The following PRKG2 variants were observed in gnomAD, a reference collection of about 807,000 sequenced individuals.
The protein encoded by PRKG2 is cGMP-dependent protein kinase 2.
In PRKG2, 33 loss-of-function variants were observed where a neutral mutation model predicts 97.2. That is an observed-to-expected ratio of 0.34 (90% CI 0.26 to 0.45). The LOEUF is 0.45. PRKG2 is among the 20% of genes least tolerant of loss of function. The pLI is 1.00. For missense variants in PRKG2, 638 were observed against 900.0 expected, an observed-to-expected ratio of 0.71 and a Z score of 3.73; for synonymous variants, 330 against 321.8, an observed-to-expected ratio of 1.03 and a Z score of -0.27.
At chr4:81,169,833 A>T in intron 4 of PRKG2, 65 bp from the exon 5 acceptor site, 1 of 1,035,448 alleles carries the variant, frequency 9.7e-7, no homozygotes, top group Non-Finnish European at 1.4e-6. Flanking sequence ...TCCAAAATAT[A>T]AATCGATGGA....
intron 15 of PRKG2, among the ~76,000 whole-genome samples, chr4:81,108,456 A>G (rs904321703): frequency 2.0e-5 from 3 of 149,974 alleles, no homozygotes; most frequent in African/African-American, 7.4e-5. Context: ...TATTCAACTT[A>G]TTTATATATT....
At chr4:81,153,903 G>T (rs1748682185) in intron 6 of PRKG2, among the ~76,000 whole-genome samples, 182 bp from the exon 7 acceptor site, 2 of 152,106 alleles carry the variant, frequency 1.3e-5, no homozygotes, top group South Asian at 2.1e-4. Context: ...CAGGTCAGTG[G>T]GTGCGCGCAC....
At chr4:81,098,666 G>C (rs935601635) in intron 17 of PRKG2, among the ~76,000 whole-genome samples, 3 of 152,110 alleles carry the variant, frequency 2.0e-5, no homozygotes, top group Non-Finnish European at 4.4e-5. Flanking sequence ...AGTAGAGGGA[G>C]AGATGGGAAA....
At chr4:81,151,631 A>G (rs1748412225) in intron 8 of PRKG2, among the ~76,000 whole-genome samples, 1 of 152,130 alleles carries the variant, frequency 6.6e-6, no homozygotes, top group Admixed American at 6.5e-5. Flanking sequence ...AAAGTAGGCA[A>G]TATTTCAAAT....
chr4:81,108,399 C>T (rs2109976481), intron 15 of PRKG2, among the ~76,000 whole-genome samples: 1 of 151,558 alleles, frequency 6.6e-6, no homozygotes, highest in East Asian at 1.9e-4. Flanking sequence ...AACTATATTT[C>T]ACTTGTAAAG....
chr4:81,189,083 A>AT (rs1752220176), intron 2 of PRKG2, among the ~76,000 whole-genome samples: 2 of 114,402 alleles, frequency 1.7e-5, no homozygotes, highest in African/African-American at 1.1e-4. Flanking sequence ...AAAAAAAAAA[A>AT]AAAAAAAAAG....
intron 14 of PRKG2, among the ~76,000 whole-genome samples, chr4:81,128,041 G>C (rs1560561208): frequency 6.6e-6 from 1 of 152,174 alleles, no homozygotes; most frequent in Non-Finnish European, 1.5e-5. Flanking sequence ...TTAGCATAAA[G>C]GGGTGTTGAA....
intron 6 of PRKG2, among the ~76,000 whole-genome samples, chr4:81,159,038 A>T (rs1447083572): frequency 1.3e-5 from 2 of 152,122 alleles, no homozygotes; most frequent in Admixed American, 6.5e-5. Context: ...ACCATTCGGG[A>T]CATAGGCATG....
intron 17 of PRKG2, among the ~76,000 whole-genome samples, chr4:81,101,810 G>A (rs11724815): frequency 3.3e-5 from 5 of 151,588 alleles, no homozygotes; most frequent in African/African-American, 1.2e-4. Context: ...TACTTTAGAA[G>A]AGACTGAGAA....
chr4:81,114,206 C>G (rs1744261959), intron 14 of PRKG2, among the ~76,000 whole-genome samples: 2 of 151,934 alleles, frequency 1.3e-5, no homozygotes. Flanking sequence ...AATTACAACC[C>G]TGGTGCCAGT....
In PRKG2 at chr4:81,158,184, T is replaced by C. The variant is rs934840488; in HGVS notation, c.913-4463A>G. 4.8e-5 allele frequency among the ~76,000 whole-genome samples: 7 copies of C among 146,440 alleles called. No homozygotes were observed. In the East Asian group the frequency reaches 7.7e-4, roughly 16 times the overall value. ...ATGATTGTATATCTAGAAAACCCCA[T>C]TGTCTCAGCCCAAAATCTCCTTAAG... On this transcript the variant is annotated intron_variant, in intron 6 of 18. Coordinates refer to ENST00000264399, the MANE Select transcript of PRKG2 (RefSeq NM_006259.3).
At chr4:81,152,985 C>G (rs1748567905) in intron 7 of PRKG2, among the ~76,000 whole-genome samples, 1 of 152,208 alleles carries the variant, frequency 6.6e-6, no homozygotes, top group Non-Finnish European at 1.5e-5. Flanking sequence ...ACAGTTTATA[C>G]ACACAGGTGC....
chr4:81,203,301 T>A (rs1233099375), intron 2 of PRKG2, among the ~76,000 whole-genome samples: 1 of 152,090 alleles, frequency 6.6e-6, no homozygotes, highest in Non-Finnish European at 1.5e-5. Flanking sequence ...ATTAATCAAA[T>A]TTCTTTCAGT....
At chr4:81,216,823 C>T (rs770785724), upstream of PRKG2, among the ~76,000 whole-genome samples, 1 of 150,672 alleles carries the variant, frequency 6.6e-6, no homozygotes, top group Non-Finnish European at 1.5e-5. Flanking sequence ...AGGATAATGG[C>T]CTCTAGTTCC....
At chr4:81,106,034 T>C in intron 15 of PRKG2, 99 bp from the exon 16 acceptor site, 2 of 1,348,312 alleles carry the variant, frequency 1.5e-6, no homozygotes, top group Middle Eastern at 2.0e-4. Context: ...CCCTCCCTTC[T>C]TTCATTTCTT....
upstream of PRKG2, among the ~76,000 whole-genome samples, chr4:81,216,382 TA>T (rs1754274394): frequency 6.7e-6 from 1 of 148,712 alleles, no homozygotes; most frequent in Non-Finnish European, 1.5e-5. Flanking sequence ...AAAAAAAAAT[TA>T]GAGGAGAAAG....
At chr4:81,112,508 A>G (rs1450873742) in intron 14 of PRKG2, among the ~76,000 whole-genome samples, 1 of 152,196 alleles carries the variant, frequency 6.6e-6, no homozygotes, top group Non-Finnish European at 1.5e-5. Flanking sequence ...AGTTCTCCTC[A>G]TAAGGATCAC....
At chr4:81,136,887 G>C (rs1323084943) in intron 13 of PRKG2, among the ~76,000 whole-genome samples, 5 of 152,156 alleles carry the variant, frequency 3.3e-5, no homozygotes, top group African/African-American at 9.7e-5. Flanking sequence ...ACACTGTCTA[G>C]AGCGTCTCCT....
chr4:81,105,007 T>C (rs570445603), intron 16 of PRKG2, among the ~76,000 whole-genome samples: 90 of 152,254 alleles, frequency 5.9e-4, no homozygotes, highest in African/African-American at 2.1e-3. Flanking sequence ...AAAATGAAGA[T>C]GGAAAGAGGT....
Sources: gnomAD v4.1 joint callset for allele counts (sites outside exome capture counted in the v4.1 genomes callset) on GRCh38, gnomAD v4.1.1 for gene constraint, MANE v1.5 for transcripts, NCBI Gene and HGNC (gene_info 2026-07-23, HGNC 2026-07-21) for gene names.